The following TRIM69 variants were observed in gnomAD, a reference collection of about 807,000 sequenced individuals.
The protein encoded by TRIM69 is E3 ubiquitin-protein ligase TRIM69.
Under a neutral mutation model 37.7 loss-of-function variants are expected in TRIM69, and 29 were observed. The observed-to-expected ratio is 0.77, with a 90% CI of 0.57 to 1.05. The LOEUF is 1.05. Ranked by LOEUF, TRIM69 falls within the 50% of genes least tolerant of loss-of-function variation. TRIM69 has a pLI of 0.00. For synonymous variants in TRIM69, 209 were observed against 212.4 expected, an observed-to-expected ratio of 0.98 and a Z score of 0.14; for missense variants, 596 against 579.9, an observed-to-expected ratio of 1.03 and a Z score of -0.28.
intron 1 of TRIM69, among the ~76,000 whole-genome samples, chr15:44,747,777 A>G (rs1417832162): frequency 6.6e-6 from 1 of 152,216 alleles, no homozygotes; most frequent in Non-Finnish European, 1.5e-5. Context: ...TCACAACAAA[A>G]GTGAGAATGT....
chr15:44,739,558 C>T (rs2960206), intron 1 of TRIM69, among the ~76,000 whole-genome samples: 134,212 of 152,252 alleles, frequency 0.88, 59,819 homozygotes, highest in Non-Finnish European at 0.96. Context: ...GCTTAAAGAA[C>T]GGTGCACCAG....
Position 44,738,239 on chromosome 15 carries a change from AT to A in TRIM69, c.6+1540del, listed in dbSNP as rs56668338. Among the ~76,000 whole-genome samples the A allele has an allele frequency of 2.6e-3, 386 of 147,436 alleles. 2 individuals carry two copies. Among genetic ancestry groups the A allele is most frequent in the African/African-American group, 9.4e-3 (374 of 40,000 alleles). ...ACGCCTGGCTAATTTTTGTATTATT[AT>A]TTTTTTTTTTAGTAGAGATGAGGTC... is the stretch of plus-strand genomic sequence containing the variant. On this transcript the variant is annotated intron_variant, in intron 1 of 6. Coordinates refer to ENST00000329464, the MANE Select transcript of TRIM69 (RefSeq NM_182985.5).
intron 1 of TRIM69, among the ~76,000 whole-genome samples, chr15:44,745,205 C>T (rs1044926493): frequency 6.6e-6 from 1 of 151,976 alleles, no homozygotes. Context: ...ATACGAAGCC[C>T]ATTTACAAAG....
At chr15:44,741,338 G>A (rs1180848837) in intron 1 of TRIM69, among the ~76,000 whole-genome samples, 1 of 151,922 alleles carries the variant, frequency 6.6e-6, no homozygotes, top group Non-Finnish European at 1.5e-5. Context: ...GAAATTTATA[G>A]CACTAAATGC....
At chr15:44,756,614 A>C in intron 3 of TRIM69, 151 bp downstream of exon 3, 1 of 581,684 alleles carries the variant, frequency 1.7e-6, no homozygotes, top group Non-Finnish European at 3.1e-6. Flanking sequence ...TGTAGGGTGG[A>C]AAGGAATATG....
At chr15:44,740,920 T>C (rs932897704) in intron 1 of TRIM69, among the ~76,000 whole-genome samples, 9 of 152,142 alleles carry the variant, frequency 5.9e-5, no homozygotes, top group African/African-American at 2.2e-4. Flanking sequence ...GACAGAAAGT[T>C]AACAAGGATA....
intron 1 of TRIM69, among the ~76,000 whole-genome samples, 173 bp downstream of exon 1, chr15:44,736,883 T>A (rs2087173962): frequency 6.6e-6 from 1 of 152,156 alleles, no homozygotes; most frequent in African/African-American, 2.4e-5. Context: ...GAATAACTGA[T>A]AATTTATACT....
chr15:44,743,290 C>T (rs149583419), intron 1 of TRIM69, among the ~76,000 whole-genome samples: 3,825 of 152,136 alleles, frequency 0.025, 151 homozygotes, highest in African/African-American at 0.088. Context: ...GATCCCTTCC[C>T]TACACCTTAT....
chr15:44,755,050 A>T lies in TRIM69; in HGVS notation c.157A>T (p.Met53Leu). The T allele has an allele frequency of 6.2e-7, 1 of 1,614,220 alleles. No homozygotes were observed. The highest frequency in any genetic ancestry group is 8.5e-7 in the Non-Finnish European group (1 of 1,180,028). ...CAATGATTGGTTCCGAGACCCACTG[A>T]TGCTAAGCTGTGGCCACAACTTCTG... ...LCNDWFRDPL[M>L]LSCGHNFCEA... Residue 53 changes from methionine (M) to leucine (L), a missense_variant, in exon 2 of 7, where the codon ATG becomes TTG. Physicochemically the swap from Met to Leu is conservative, Grantham distance 15 (BLOSUM62 2). Transcript: ENST00000329464.
chr15:44,755,865 C>T (rs1035533733), intron 2 of TRIM69, among the ~76,000 whole-genome samples: 1 of 152,116 alleles, frequency 6.6e-6, no homozygotes, highest in African/African-American at 2.4e-5. Flanking sequence ...ACTGGGAAAT[C>T]ATTTGGATTT....
chr15:44,736,671 T>C lies in TRIM69; in HGVS notation c.-34T>C, dbSNP rs202247291. On this transcript the variant is annotated 5_prime_UTR_variant, in exon 1 of 7. Transcript: ENST00000329464. The stretch of plus-strand genomic sequence containing the variant: ...TGGGCCTGCTGAGCTCTGATTCAAG[T>C]GCCTGCCTCTGCCCCTTGGTGGGCT... 7.9e-4 allele frequency: 1,269 copies of C among 1,610,786 alleles called. 2 individuals carry two copies. Among genetic ancestry groups the C allele is most frequent in the Non-Finnish European group, 1.0e-3 (1,235 of 1,178,708 alleles).
chr15:44,745,948 AG>A (rs2087397870), intron 1 of TRIM69, among the ~76,000 whole-genome samples: 1 of 152,190 alleles, frequency 6.6e-6, no homozygotes, highest in Non-Finnish European at 1.5e-5. Context: ...AGAGGAGAGA[AG>A]GGGACAGAAA....
In TRIM69 at chr15:44,755,173, C is replaced by A. The variant is rs190384611; in HGVS notation, c.280C>A (p.Pro94Thr). 2 of 1,614,164 alleles carry A rather than the reference C, an allele frequency of 1.2e-6. No homozygotes were observed. Among genetic ancestry groups the A allele is most frequent in the Non-Finnish European group, 1.7e-6 (2 of 1,180,026 alleles). Residue 94 changes from proline to threonine, a missense_variant, in exon 2 of 7, where the codon CCT (proline) becomes ACT (threonine). Transcript: ENST00000329464. The stretch of plus-strand genomic sequence containing the variant: ...TCAGTATAACAACTGTACATTCAAC[C>A]CTGTACTGGACAAGTTGGTAGAGAA... ...LCQYNNCTFN[P>T]VLDKLVEKIK...
At position 44,741,441 on chromosome 15, in the gene TRIM69, G is replaced by A. The variant is rs371844943; in HGVS notation, c.6+4731G>A. Among the ~76,000 whole-genome samples the A allele has an allele frequency of 2.0e-5, 3 of 152,222 alleles. No homozygotes were observed. The East Asian group carries it at 5.8e-4, about 29-fold the overall frequency. Reference sequence around the variant, plus strand: ...CAAGAGCAAACACATTCAAAAGCTAGCAGAAGGCAAGAAATAACTAAAATC... The same window carrying A: ...CAAGAGCAAACACATTCAAAAGCTAACAGAAGGCAAGAAATAACTAAAATC... On this transcript the variant is annotated intron_variant, in intron 1 of 6. Transcript: ENST00000329464.
chr15:44,737,259 A>G (rs1323337539), intron 1 of TRIM69, among the ~76,000 whole-genome samples: 3 of 152,204 alleles, frequency 2.0e-5, no homozygotes, highest in Non-Finnish European at 4.4e-5. Flanking sequence ...GGGCCCTTGA[A>G]TCCTGAGTTA....
intron 1 of TRIM69, among the ~76,000 whole-genome samples, chr15:44,746,772 A>G (rs534720903): frequency 6.6e-6 from 1 of 152,136 alleles, no homozygotes; most frequent in South Asian, 2.1e-4. Flanking sequence ...ACACACACAC[A>G]CACACATCTT....
At chr15:44,756,261 C>CAGCA in intron 2 of TRIM69, 107 bp from the exon 3 acceptor site, 1 of 693,924 alleles carries the variant, frequency 1.4e-6, no homozygotes, top group East Asian at 2.7e-5. Flanking sequence ...AAGATTTTTG[C>CAGCA]AGCAAGAGCT....
intron 3 of TRIM69, 68 bp downstream of exon 3, chr15:44,756,531 G>C: frequency 9.5e-7 from 1 of 1,056,084 alleles, no homozygotes; most frequent in Non-Finnish European, 1.4e-6. Context: ...TTCAGCTATG[G>C]GTACAAAGGT....
intron 6 of TRIM69, among the ~76,000 whole-genome samples, chr15:44,762,557 C>A (rs973418612): frequency 4.6e-5 from 7 of 152,060 alleles, no homozygotes; most frequent in South Asian, 4.1e-4. Flanking sequence ...ACTTTTTTAG[C>A]CTTTTTTCAC....
Sources: gnomAD v4.1 joint callset for allele counts (sites outside exome capture counted in the v4.1 genomes callset) on GRCh38, gnomAD v4.1.1 for gene constraint, MANE v1.5 for transcripts, NCBI Gene and HGNC (gene_info 2026-07-23, HGNC 2026-07-21) for gene names.